Variants in SEC14L5 observed in about 807,000 individuals in gnomAD.
SEC14L5 encodes the protein SEC14 like lipid binding 5.
A neutral mutation model predicts 84.6 loss-of-function variants in SEC14L5; 96 were observed. That is an observed-to-expected ratio of 1.13 (90% CI 0.96 to 1.34). The LOEUF (loss-of-function observed/expected upper bound fraction) is 1.34, where lower values mean the gene tolerates loss of function less well. Among genes scored for constraint, SEC14L5 ranks in the 40% most tolerant of loss-of-function variants. The probability of loss-of-function intolerance (pLI) is 0.00; values close to 1 mark genes in which losing one functional copy is unlikely to be tolerated. For synonymous variants in SEC14L5, 546 were observed against 383.4 expected, an observed-to-expected ratio of 1.42 and a Z score of -4.95; for missense variants, 1,224 against 942.5, an observed-to-expected ratio of 1.30 and a Z score of -3.91.
chr16:4,988,197 TG>T lies in SEC14L5; in HGVS notation c.264del (p.Trp88Ter). The T allele has an allele frequency of 6.3e-7, 1 of 1,597,840 alleles. No homozygotes were observed. The highest frequency in any genetic ancestry group is 8.5e-7 in the Non-Finnish European group (1 of 1,169,688). On this transcript the variant is annotated frameshift_variant, in exon 4 of 16. Transcript: ENST00000251170. LOFTEE classifies it high-confidence loss of function. ...VVFVQTNILNWKERTLLIEAH... is the reference protein window; with the variant it reads ...VVFVQTNILNXKERTLLIEAH... Reference sequence around the variant, plus strand: ...CTTCGTGCAGACAAACATCTTGAACTGGAAGGAGAGGACGCTCCTCATCGAA... The same window carrying T: ...CTTCGTGCAGACAAACATCTTGAACTGAAGGAGAGGACGCTCCTCATCGAA...
chr16:4,987,249 C>CT (rs1285084295), intron 2 of SEC14L5, among the ~76,000 whole-genome samples: 1 of 145,270 alleles, frequency 6.9e-6, no homozygotes, highest in Non-Finnish European at 1.5e-5. Context: ...TTCTCAAATG[C>CT]TTTTCCTGAG....
At chr16:4,958,475 G>GAGCCCA (rs56673696) in intron 1 of SEC14L5, 30 bp downstream of exon 1, 1 of 29,570 alleles carries the variant, frequency 3.4e-5, no homozygotes, top group Non-Finnish European at 5.6e-5. Context: ...GCGGGCGCGG[G>GAGCCCA]TAAGCGCTCA....
At position 5,008,168 on chromosome 16, in the gene SEC14L5, G is replaced by T. The variant is rs185197464; in HGVS notation, c.1573-253G>T. Among the ~76,000 whole-genome samples the T allele has an allele frequency of 7.8e-4, 118 of 152,038 alleles. 3 individuals are homozygous for T. Among genetic ancestry groups the T allele is most frequent in the Admixed American group, 7.9e-4 (12 of 15,248 alleles). ...TGACCTCAAGTGATCCACCCACCTCGGCCTCCCAAAGTGTTGGGATTATAG... is the reference window on the plus strand; with the variant it reads ...TGACCTCAAGTGATCCACCCACCTCTGCCTCCCAAAGTGTTGGGATTATAG... On this transcript the variant is annotated intron_variant, in intron 13 of 15. Coordinates refer to ENST00000251170, the MANE Select transcript of SEC14L5 (RefSeq NM_014692.2).
At chr16:5,000,545 G>T (rs1955663103) in intron 8 of SEC14L5, 110 bp from the exon 9 acceptor site, 3 of 785,320 alleles carry the variant, frequency 3.8e-6, no homozygotes, top group Non-Finnish European at 6.3e-6. Context: ...TCGGGCCTTG[G>T]TGGGTTGCAG....
chr16:5,009,740 G>C (rs115182233), intron 14 of SEC14L5, among the ~76,000 whole-genome samples: 2 of 152,094 alleles, frequency 1.3e-5, no homozygotes, highest in Non-Finnish European at 2.9e-5. Flanking sequence ...AACTCAAGCA[G>C]GGGGAAGGAT....
Position 4,991,900 on chromosome 16 carries a change from G to A in SEC14L5, c.537G>A (p.Pro179=), listed in dbSNP as rs117096762. 2,352 of 1,608,918 alleles carry A rather than the reference G, an allele frequency of 1.5e-3. 22 individuals are homozygous for A. In the East Asian group the frequency reaches 0.024, roughly 16 times the overall value. Residue 179 remains proline, a synonymous_variant, in exon 6 of 16, where the codon CCG becomes CCA. Coordinates refer to ENST00000251170, the MANE Select transcript of SEC14L5 (RefSeq NM_014692.2). ...TCTCCCAGGGTACCTCGCACATTCC[G>A]CGCTGGACGCCTGCCCCAGTCCGTG... ...ELISQGTSHI[P]RWTPAPVREE...
intron 8 of SEC14L5, among the ~76,000 whole-genome samples, chr16:4,998,003 C>CT (rs35302716): frequency 2.6e-4 from 20 of 77,902 alleles, no homozygotes; most frequent in African/African-American, 1.0e-3. Context: ...GACTCTAGTT[C>CT]TTTTTTTTTT....
Position 4,992,303 on chromosome 16 carries a change from C to T in SEC14L5, c.667+273C>T, listed in dbSNP as rs545084038. Among the ~76,000 whole-genome samples the T allele has an allele frequency of 3.9e-5, 6 of 152,242 alleles. No homozygotes were observed. The South Asian group carries it at 6.2e-4, about 16-fold the overall frequency. On this transcript the variant is annotated intron_variant, in intron 6 of 15. Coordinates refer to ENST00000251170, the MANE Select transcript of SEC14L5 (RefSeq NM_014692.2). ...TCCCCCTATGTCTCCCAGGCTGGAG[C>T]GCAGTAGCACGATCTCGGCTCCCTG... is the stretch of plus-strand genomic sequence containing the variant.
rs367811273 is a variant in SEC14L5, at chr16:4,996,372, T to C, written c.692T>C (p.Ile231Thr). 30 of 1,562,930 alleles carry C rather than the reference T, an allele frequency of 1.9e-5. No individual in the cohort carries two copies. In the South Asian group the frequency reaches 2.5e-4, roughly 13 times the overall value. The part of the protein sequence containing the change: ...MDGDKLDADY[I>T]ERCLGHLTPM... ...GGGGACAAGCTGGATGCGGACTACA[T>C]TGAGAGGTGCCTGGGCCACCTCACG... The change falls in exon 7 of 16, where the codon ATT becomes ACT. Residue 231 changes from isoleucine (I) to threonine (T), a missense_variant. Transcript: ENST00000251170.
At chr16:5,005,168 A>T (rs1186314401) in intron 11 of SEC14L5, among the ~76,000 whole-genome samples, 8 of 152,152 alleles carry the variant, frequency 5.3e-5, no homozygotes, top group South Asian at 4.1e-4. Context: ...TACAAAAATT[A>T]GCCAGGCATG....
chr16:4,989,683 G>A (rs1323031255), intron 4 of SEC14L5, among the ~76,000 whole-genome samples: 1 of 152,124 alleles, frequency 6.6e-6, no homozygotes, highest in Non-Finnish European at 1.5e-5. Flanking sequence ...AACTCCTCTT[G>A]GGTCCTCCAG....
At chr16:4,991,802 C>T (rs372274789) in intron 5 of SEC14L5, 36 bp from the exon 6 acceptor site, 18 of 1,489,576 alleles carry the variant, frequency 1.2e-5, no homozygotes, top group Non-Finnish European at 1.5e-5. Flanking sequence ...CCATCCTGCC[C>T]CGTGCTCATG....
At chr16:4,965,873 C>T (rs1452024243) in intron 2 of SEC14L5, among the ~76,000 whole-genome samples, 1 of 151,632 alleles carries the variant, frequency 6.6e-6, no homozygotes, top group Non-Finnish European at 1.5e-5. Flanking sequence ...GAGTCCCCAT[C>T]TCTACCAAAA....
intron 15 of SEC14L5, among the ~76,000 whole-genome samples, chr16:5,013,097 TCG>T (rs879503795): frequency 0.22 from 32,717 of 151,908 alleles, 4,241 homozygotes; most frequent in Admixed American, 0.33. Context: ...TCATTCACTA[TCG>T]CAAGAAGACC....
At chr16:4,991,022 C>G (rs1284227159) in intron 5 of SEC14L5, 127 bp downstream of exon 5, 5 of 655,584 alleles carry the variant, frequency 7.6e-6, no homozygotes, top group Admixed American at 7.9e-5. Flanking sequence ...AATGGGTACT[C>G]TAGTAATGAC....
intron 14 of SEC14L5, 70 bp from the exon 15 acceptor site, chr16:5,011,025 T>G: frequency 1.4e-6 from 2 of 1,449,728 alleles, no homozygotes; most frequent in Middle Eastern, 4.7e-4. Context: ...GAGAAGCCCA[T>G]GAAGGCTCAG....
intron 2 of SEC14L5, among the ~76,000 whole-genome samples, chr16:4,963,098 C>T (rs533787507): frequency 6.6e-6 from 1 of 152,326 alleles, no homozygotes; most frequent in South Asian, 2.1e-4. Context: ...ACTTCAGAAT[C>T]AAAATGCTCC....
In SEC14L5 at chr16:4,991,878, C is replaced by T. The variant is rs758226242; in HGVS notation, c.515C>T (p.Ser172Phe). 1 of 1,610,370 alleles carries T rather than the reference C, an allele frequency of 6.2e-7. No individual in the cohort carries two copies. The highest frequency in any genetic ancestry group is 1.7e-5 in the Admixed American group (1 of 59,718). ...VIEHYLNELI[S>F]QGTSHIPRWT... is the part of the protein sequence containing the mutation. ...GAGCATTACCTGAATGAGCTCATCT[C>T]CCAGGGTACCTCGCACATTCCGCGC... The change falls in exon 6 of 16, where the codon TCC (serine) becomes TTC (phenylalanine). Residue 172 changes from serine (S) to phenylalanine (F), a missense_variant. Transcript: ENST00000251170.
intron 3 of SEC14L5, 60 bp downstream of exon 3, chr16:4,987,766 C>T: frequency 1.6e-6 from 2 of 1,279,300 alleles, no homozygotes; most frequent in Non-Finnish European, 2.1e-6. Context: ...TGCGGGAGGG[C>T]TGGGCGCGGG....
Sources: allele counts gnomAD v4.1 joint callset (sites outside exome capture counted in the v4.1 genomes callset), GRCh38; gene constraint gnomAD v4.1.1; transcripts MANE v1.5; gene names NCBI Gene and HGNC (gene_info 2026-07-23, HGNC 2026-07-21).